Variants in TRPV4 observed in about 807,000 individuals in gnomAD.
TRPV4 encodes the protein OSM9-like transient receptor potential channel 4.
TRPV4 carries 58 observed loss-of-function variants against 84.1 expected under a neutral mutation model. That is an observed-to-expected ratio of 0.69 (90% CI 0.56 to 0.86). The LOEUF is 0.86. TRPV4 is among the 40% of genes least tolerant of loss of function. The probability of loss-of-function intolerance (pLI) is 0.00; values close to 1 mark genes in which losing one functional copy is unlikely to be tolerated. For synonymous variants in TRPV4, 489 were observed against 500.9 expected, an observed-to-expected ratio of 0.98 and a Z score of 0.32; for missense variants, 879 against 1,181.1, an observed-to-expected ratio of 0.74 and a Z score of 3.75.
intron 1 of TRPV4, among the ~76,000 whole-genome samples, chr12:109,821,201 G>A (rs892127177): frequency 3.9e-5 from 6 of 152,226 alleles, no homozygotes; most frequent in East Asian, 1.9e-4. Context: ...GGTTTCTCCC[G>A]GTTCCCTCCC....
At position 109,788,636 on chromosome 12, in the gene TRPV4, G is replaced by T; in HGVS notation, c.1972C>A (p.Pro658Thr). 4 of 1,614,244 alleles carry T rather than the reference G, an allele frequency of 2.5e-6. No individual in the cohort carries two copies. In the South Asian group the frequency reaches 3.3e-5, roughly 13 times the overall value. Residue 658 changes from proline (P) to threonine (T), a missense_variant, in exon 13 of 16, where the codon CCC becomes ACC. Pro to Thr is a conservative substitution (Grantham distance 38). Coordinates refer to ENST00000261740, the MANE Select transcript of TRPV4 (RefSeq NM_021625.5). ...AAGGTCTCGCTGTCACGGCACGAGG[G>T]GTAAGTGGGCACTGTGCAGTTGGTC... ...DQTNCTVPTY[P>T]SCRDSETFST...
chr12:109,786,404 C>A lies in TRPV4; in HGVS notation c.2336+306G>T, dbSNP rs551034795. 6.6e-6 allele frequency among the ~76,000 whole-genome samples: 1 copy of A among 152,232 alleles called. No homozygotes were observed. Among genetic ancestry groups the A allele is most frequent in the Non-Finnish European group, 1.5e-5 (1 of 68,048 alleles). ...TTCCCCCTGAGCAAGAACAGGGGAG[C>A]CTGTGGCGTCCCGATGCGCGTCGGG... On this transcript the variant is annotated intron_variant, in intron 14 of 15. Transcript: ENST00000261740. The surrounding 1 kb of genome is among the most constrained non-coding windows in gnomAD (Gnocchi z 4.5).
At position 109,788,595 on chromosome 12, in the gene TRPV4, C is replaced by T. The variant is rs753041811; in HGVS notation, c.2013G>A (p.Leu671=). 1.2e-6 allele frequency: 2 copies of T among 1,614,124 alleles called. No homozygotes were observed. The highest frequency in any genetic ancestry group is 3.3e-5 in the Admixed American group (2 of 60,010). ...RDSETFSTFL[L]DLFKLTIGMG... ...TGCCGATGGTCAGCTTAAACAGGTC[C>T]AGGAGGAAGGTGCTGAAGGTCTCGC... is the stretch of plus-strand genomic sequence containing the variant. Residue 671 remains leucine (L), a synonymous_variant, in exon 13 of 16, where the codon CTG becomes CTA. Transcript: ENST00000261740.
chr12:109,790,773 C>T (rs752118696), intron 12 of TRPV4, among the ~76,000 whole-genome samples: 36 of 152,132 alleles, frequency 2.4e-4, no homozygotes, highest in Non-Finnish European at 2.2e-4. Flanking sequence ...TCCCTTGAAT[C>T]GAGGCTGGCC....
chr12:109,806,323 T>C (rs1196355496), intron 3 of TRPV4, among the ~76,000 whole-genome samples: 12 of 150,866 alleles, frequency 8.0e-5, no homozygotes, highest in Non-Finnish European at 1.5e-4. Context: ...GCTTCCTAAG[T>C]AGCTGAAATT....
At chr12:109,794,905 C>T (rs1890296621) in intron 7 of TRPV4, among the ~76,000 whole-genome samples, 1 of 152,146 alleles carries the variant, frequency 6.6e-6, no homozygotes, top group African/African-American at 2.4e-5. Flanking sequence ...GTAATCCCAG[C>T]TACTCCTAAG....
chr12:109,796,989 T>C lies in TRPV4; in HGVS notation c.1153-285A>G, dbSNP rs930345266. 6.6e-6 allele frequency among the ~76,000 whole-genome samples: 1 copy of C among 152,228 alleles called. No homozygotes were observed. Among genetic ancestry groups the C allele is most frequent in the Non-Finnish European group, 1.5e-5 (1 of 68,040 alleles). On this transcript the variant is annotated intron_variant, in intron 6 of 15. Transcript: ENST00000261740. The surrounding 1 kb of genome is among the most constrained non-coding windows in gnomAD (Gnocchi z 4.2). Reference sequence around the variant, plus strand: ...TTAATTGTAATGAATATCTTCTTCATGCCGTTAAAATAGCAATGAATCCAT... The same window carrying C: ...TTAATTGTAATGAATATCTTCTTCACGCCGTTAAAATAGCAATGAATCCAT...
chr12:109,810,369 C>T (rs988293471), intron 2 of TRPV4, among the ~76,000 whole-genome samples: 1 of 152,072 alleles, frequency 6.6e-6, no homozygotes, highest in Non-Finnish European at 1.5e-5. Flanking sequence ...ACAGAGAAAA[C>T]CCTAACAAGA....
intron 1 of TRPV4, among the ~76,000 whole-genome samples, chr12:109,827,863 TAC>T (rs1403118886): frequency 6.6e-6 from 1 of 151,492 alleles, no homozygotes; most frequent in African/African-American, 2.4e-5. Context: ...GACATACATA[TAC>T]ACACATACAC....
intron 1 of TRPV4, among the ~76,000 whole-genome samples, chr12:109,831,982 TC>T (rs1207011533): frequency 6.6e-6 from 1 of 152,220 alleles, no homozygotes; most frequent in East Asian, 1.9e-4. Context: ...TTTTTCACCC[TC>T]TTTGTTAAGA....
intron 14 of TRPV4, 21 bp from the exon 15 acceptor site, chr12:109,784,458 G>C: frequency 6.2e-7 from 1 of 1,614,038 alleles, no homozygotes; most frequent in Non-Finnish European, 8.5e-7. Flanking sequence ...CCAAGCAGAG[G>C]GTCATGGGGA....
chr12:109,788,591 G>A lies in TRPV4; in HGVS notation c.2017C>T (p.Leu673=). The A allele has an allele frequency of 1.2e-6, 2 of 1,614,278 alleles. No homozygotes were observed. Among genetic ancestry groups the A allele is most frequent in the Non-Finnish European group, 1.7e-6 (2 of 1,180,052 alleles). Reference sequence around the variant, plus strand: ...CCCATGCCGATGGTCAGCTTAAACAGGTCCAGGAGGAAGGTGCTGAAGGTC... The same window carrying A: ...CCCATGCCGATGGTCAGCTTAAACAAGTCCAGGAGGAAGGTGCTGAAGGTC... ...SETFSTFLLD[L]FKLTIGMGDL... Residue 673 remains leucine, a synonymous_variant, in exon 13 of 16, where the codon CTG becomes TTG. Coordinates refer to ENST00000261740, the MANE Select transcript of TRPV4 (RefSeq NM_021625.5).
In TRPV4 at chr12:109,783,897, G is replaced by A. The variant is rs1364994843; in HGVS notation, c.2459-119C>T. 68 of 1,251,472 alleles carry A rather than the reference G, an allele frequency of 5.4e-5. No homozygotes were observed. Among genetic ancestry groups the A allele is most frequent in the African/African-American group, 1.5e-5 (1 of 67,940 alleles). The allele number at this position is 1,251,472 out of a possible 1,614,324, so 77.5% of individuals were successfully genotyped here. On this transcript the variant is annotated intron_variant, in intron 15 of 15. Transcript: ENST00000261740. This position sits in a 1 kb window ranked among gnomAD's most constrained non-coding sequence, Gnocchi z 4.6. ...TGTTCTGAAGGGGGGATGTGACTAT[G>A]CTCATTTTACAGAGGTGGAAACTGG...
chr12:109,790,238 C>T (rs1345919193), intron 12 of TRPV4, among the ~76,000 whole-genome samples: 1 of 152,208 alleles, frequency 6.6e-6, no homozygotes, highest in Non-Finnish European at 1.5e-5. Context: ...ATTCCTGTGC[C>T]AGGCTCGTCC....
intron 2 of TRPV4, among the ~76,000 whole-genome samples, chr12:109,813,806 A>G (rs1342831170): frequency 6.6e-6 from 1 of 151,756 alleles, no homozygotes; most frequent in Non-Finnish European, 1.5e-5. Context: ...ATATGGAATG[A>G]TGAATAGACG....
At chr12:109,822,865 T>C (rs1193575596) in intron 1 of TRPV4, among the ~76,000 whole-genome samples, 1 of 152,226 alleles carries the variant, frequency 6.6e-6, no homozygotes, top group Non-Finnish European at 1.5e-5. Context: ...GTACAGAGCA[T>C]GCATTCAGTC....
rs11068274 is a variant in TRPV4 at position 109,786,369 on chromosome 12, A to G, written c.2336+341T>C. On this transcript the variant is annotated intron_variant, in intron 14 of 15. Transcript: ENST00000261740. The surrounding 1 kb of genome is among the most constrained non-coding windows in gnomAD (Gnocchi z 4.5). ...ATGCTCTAAAATGAACCCACCATCCAAGTCTCTGCTTCCCCCTGAGCAAGA... is the reference window on the plus strand; with the variant it reads ...ATGCTCTAAAATGAACCCACCATCCGAGTCTCTGCTTCCCCCTGAGCAAGA... Among the ~76,000 whole-genome samples the G allele has an allele frequency of 0.55, 82,953 of 151,964 alleles. 23,044 individuals carry two copies. The highest frequency in any genetic ancestry group is 0.65 in the South Asian group (3,109 of 4,814).
chr12:109,827,614 C>T (rs528915621), intron 1 of TRPV4, among the ~76,000 whole-genome samples: 1 of 151,962 alleles, frequency 6.6e-6, no homozygotes, highest in South Asian at 2.1e-4. Flanking sequence ...TATACACATA[C>T]ATACACACAA....
Position 109,798,944 on chromosome 12 carries a change from C to G in TRPV4, c.854-32G>C, listed in dbSNP as rs766648571. ...GCCAGGGTGAAGGGTGGGAGGTCAG[C>G]GAAGGGGGCCCAGGGTGGGACTCTG... On this transcript the variant is annotated intron_variant, in intron 5 of 15. Coordinates refer to ENST00000261740, the MANE Select transcript of TRPV4 (RefSeq NM_021625.5). The surrounding 1 kb of genome is among the most constrained non-coding windows in gnomAD (Gnocchi z 5.0). 1.9e-6 allele frequency: 3 copies of G among 1,590,964 alleles called. No individual in the cohort carries two copies. The highest frequency in any genetic ancestry group is 2.6e-6 in the Non-Finnish European group (3 of 1,169,284).
Sources: gnomAD v4.1 joint callset for allele counts (sites outside exome capture counted in the v4.1 genomes callset) on GRCh38, gnomAD v4.1.1 for gene constraint, Gnocchi (gnomAD v3.1) non-coding constraint, MANE v1.5 for transcripts, NCBI Gene and HGNC (gene_info 2026-07-23, HGNC 2026-07-21) for gene names.